The following GALNT17 variants were observed in gnomAD, a reference collection of about 807,000 sequenced individuals.
GALNT17 encodes the protein polypeptide N-acetylgalactosaminyltransferase 17.
A neutral mutation model predicts 63.7 loss-of-function variants in GALNT17; 29 were observed. The observed-to-expected ratio is 0.46, with a 90% CI of 0.34 to 0.62. GALNT17 has a LOEUF of 0.62. GALNT17 is among the 20% of genes least tolerant of loss of function. The probability of loss-of-function intolerance (pLI) is 0.01; values close to 1 mark genes in which losing one functional copy is unlikely to be tolerated. For missense variants in GALNT17, 603 were observed against 799.6 expected, an observed-to-expected ratio of 0.75 and a Z score of 2.97; for synonymous variants, 305 against 318.3, an observed-to-expected ratio of 0.96 and a Z score of 0.45.
rs763317231 is a variant in GALNT17, at chr7:71,175,283, CATCT to C, written c.238+42250_238+42253del. ...CCATCAGTCTATCTGTCTATCCATT[CATCT>C]ATCTATTATCTATCTGTCTCAATTA... On this transcript the variant is annotated intron_variant, in intron 1 of 10. Transcript: ENST00000333538. 4.1e-4 allele frequency among the ~76,000 whole-genome samples: 62 copies of C among 152,306 alleles called. 1 individual carries two copies. The East Asian group carries it at 0.011, about 26-fold the overall frequency.
chr7:71,181,958 C>T (rs778651789), intron 1 of GALNT17, among the ~76,000 whole-genome samples: 14 of 152,116 alleles, frequency 9.2e-5, no homozygotes, highest in African/African-American at 1.9e-4. Flanking sequence ...GGCGGATCAC[C>T]GGAGGTTGGG....
chr7:71,368,270 A>T (rs529875550), intron 2 of GALNT17, among the ~76,000 whole-genome samples: 3 of 152,196 alleles, frequency 2.0e-5, no homozygotes, highest in Non-Finnish European at 2.9e-5. Flanking sequence ...TCTGAATTTT[A>T]TAAGGTGGCT....
At chr7:71,253,050 T>C (rs994942200) in intron 1 of GALNT17, among the ~76,000 whole-genome samples, 4 of 152,228 alleles carry the variant, frequency 2.6e-5, no homozygotes, top group African/African-American at 9.6e-5. Flanking sequence ...CAACTTGAAA[T>C]TGACTATTCT....
intron 6 of GALNT17, among the ~76,000 whole-genome samples, chr7:71,579,989 G>A (rs551113854): frequency 1.7e-4 from 26 of 152,116 alleles, no homozygotes; most frequent in African/African-American, 5.8e-4. Context: ...ATAGATTAAT[G>A]ATAGAGATAG....
chr7:71,404,768 A>G (rs1286676117), intron 3 of GALNT17, among the ~76,000 whole-genome samples: 4 of 152,202 alleles, frequency 2.6e-5, no homozygotes, highest in South Asian at 2.1e-4. Flanking sequence ...TTGGAGGCCC[A>G]AAAGATTCCC....
intron 6 of GALNT17, among the ~76,000 whole-genome samples, chr7:71,645,663 T>C (rs11972325): frequency 0.09 from 13,739 of 152,166 alleles, 891 homozygotes; most frequent in African/African-American, 0.19. Flanking sequence ...GGGAACAAAA[T>C]AGAAGTTTCC....
At chr7:71,529,444 A>G (rs879240837) in intron 5 of GALNT17, among the ~76,000 whole-genome samples, 1 of 152,238 alleles carries the variant, frequency 6.6e-6, no homozygotes. Context: ...AGAGACTTAC[A>G]GTCAAATCAC....
chr7:71,320,733 G>A (rs1791591139), intron 1 of GALNT17, among the ~76,000 whole-genome samples: 3 of 152,166 alleles, frequency 2.0e-5, no homozygotes, highest in South Asian at 2.1e-4. Context: ...GTGGTGGTGG[G>A]ATGTGTGATA....
chr7:71,237,606 G>T (rs1789918704), intron 1 of GALNT17, among the ~76,000 whole-genome samples: 1 of 151,870 alleles, frequency 6.6e-6, no homozygotes, highest in Non-Finnish European at 1.5e-5. Flanking sequence ...GACTGCTTGA[G>T]CCCAGGAGCT....
rs1554312281 is a variant in GALNT17, at chr7:71,583,755, A to ACACACAC, written c.1080+12358_1080+12359insACCACAC. On this transcript the variant is annotated intron_variant, in intron 6 of 10. Coordinates refer to ENST00000333538, the MANE Select transcript of GALNT17 (RefSeq NM_022479.3). ...CACACACACACACACACACACACAC[A>ACACACAC]CACACCACACACCAAACAGCCCTTC... 1.6e-4 allele frequency among the ~76,000 whole-genome samples: 15 copies of ACACACAC among 91,912 alleles called. No individual in the cohort carries two copies. In the East Asian group the frequency reaches 2.9e-3, roughly 18 times the overall value. The allele number at this position is 91,912 out of a possible 152,430, so 60.3% of individuals were successfully genotyped here.
At chr7:71,588,947 A>C (rs750049080) in intron 6 of GALNT17, among the ~76,000 whole-genome samples, 67 of 152,184 alleles carry the variant, frequency 4.4e-4, no homozygotes, top group Non-Finnish European at 8.5e-4. Flanking sequence ...TTTGCATACC[A>C]AAACTGAGCC....
At chr7:71,162,546 C>T (rs1427291866) in intron 1 of GALNT17, among the ~76,000 whole-genome samples, 1 of 151,596 alleles carries the variant, frequency 6.6e-6, no homozygotes, top group Non-Finnish European at 1.5e-5. Flanking sequence ...AAACGAGGTT[C>T]ATTAAACTAA....
chr7:71,301,200 T>A (rs2867411), intron 1 of GALNT17, among the ~76,000 whole-genome samples: 25,455 of 151,550 alleles, frequency 0.17, 2,459 homozygotes, highest in East Asian at 0.33. Context: ...GGTGGGAGGA[T>A]CCCTTCAGCC....
chr7:71,675,929 A>G (rs1791143537), intron 8 of GALNT17, among the ~76,000 whole-genome samples: 2 of 152,234 alleles, frequency 1.3e-5, no homozygotes, highest in Admixed American at 6.5e-5. Flanking sequence ...TGGAGGTTGC[A>G]GTGAGTCGAG....
intron 6 of GALNT17, among the ~76,000 whole-genome samples, chr7:71,605,752 C>T (rs1790037239): frequency 1.3e-5 from 2 of 152,130 alleles, no homozygotes; most frequent in South Asian, 4.1e-4. Context: ...AATTTTGACT[C>T]TGATGGTGTT....
At chr7:71,633,290 C>A (rs1790483480) in intron 6 of GALNT17, among the ~76,000 whole-genome samples, 2 of 151,994 alleles carry the variant, frequency 1.3e-5, no homozygotes, top group Non-Finnish European at 2.9e-5. Flanking sequence ...CAATATGGAA[C>A]ACTCTAGTGC....
intron 1 of GALNT17, among the ~76,000 whole-genome samples, chr7:71,157,428 C>T (rs570476394): frequency 5.3e-5 from 8 of 151,874 alleles, no homozygotes; most frequent in African/African-American, 1.5e-4. Flanking sequence ...GAGGCTGAGG[C>T]GGGTGGATCA....
At chr7:71,408,059 A>T (rs1338533197) in intron 3 of GALNT17, among the ~76,000 whole-genome samples, 1 of 152,168 alleles carries the variant, frequency 6.6e-6, no homozygotes, top group Non-Finnish European at 1.5e-5. Context: ...AAACATTTTA[A>T]ACATGGTAAA....
At chr7:71,265,012 C>T (rs1046359602) in intron 1 of GALNT17, among the ~76,000 whole-genome samples, 2 of 148,484 alleles carry the variant, frequency 1.3e-5, no homozygotes, top group Non-Finnish European at 3.0e-5. Flanking sequence ...ATGATCAACC[C>T]TTGAGGTGAT....
Sources: gnomAD v4.1 joint callset for allele counts (sites outside exome capture counted in the v4.1 genomes callset) on GRCh38, gnomAD v4.1.1 for gene constraint, MANE v1.5 for transcripts, NCBI Gene and HGNC (gene_info 2026-07-23, HGNC 2026-07-21) for gene names.